PKN2: variants seen among roughly 807,000 people sequenced by gnomAD.
PKN2 encodes serine/threonine-protein kinase N2.
PKN2 carries 38 observed loss-of-function variants against 119.1 expected under a neutral mutation model. The observed-to-expected ratio is 0.32, with a 90% CI of 0.25 to 0.42. The LOEUF is 0.42. PKN2 is among the 10% of genes least tolerant of loss of function. The pLI is 1.00. For synonymous variants in PKN2, 390 were observed against 384.9 expected, an observed-to-expected ratio of 1.01 and a Z score of -0.15; for missense variants, 850 against 1,165.1, an observed-to-expected ratio of 0.73 and a Z score of 3.94.
chr1:88,780,714 C>T (rs1212249932), intron 6 of PKN2, among the ~76,000 whole-genome samples: 1 of 150,274 alleles, frequency 6.7e-6, no homozygotes. Context: ...ATACTGCAGG[C>T]AAGGACTGTA....
chr1:88,739,448 A>T (rs1450759080), intron 1 of PKN2, among the ~76,000 whole-genome samples: 1 of 152,234 alleles, frequency 6.6e-6, no homozygotes, highest in Non-Finnish European at 1.5e-5. Flanking sequence ...ATTTTGCATG[A>T]TACATAATTT....
At chr1:88,749,556 G>A (rs1183592175) in intron 2 of PKN2, among the ~76,000 whole-genome samples, 1 of 152,168 alleles carries the variant, frequency 6.6e-6, no homozygotes, top group Non-Finnish European at 1.5e-5. Flanking sequence ...GCTATCGCAA[G>A]TATATAAAAT....
In PKN2 at chr1:88,793,441, G is replaced by A. The variant is rs572295086; in HGVS notation, c.1281+7228G>A. On this transcript the variant is annotated intron_variant, in intron 8 of 21. Transcript: ENST00000370521. ...AAAAAATCCACGTATAAGTCGACCT[G>A]TACATTTCAAACTTGTATTGTTCAT... 3.9e-5 allele frequency among the ~76,000 whole-genome samples: 6 copies of A among 152,160 alleles called. No individual in the cohort carries two copies. The East Asian group carries it at 9.7e-4, about 24-fold the overall frequency.
In PKN2 at chr1:88,741,030, G is replaced by A. The variant is rs762961632; in HGVS notation, c.91G>A (p.Val31Ile). 9.4e-6 allele frequency: 15 copies of A among 1,592,608 alleles called. No homozygotes were observed. Among genetic ancestry groups the A allele is most frequent in the Non-Finnish European group, 1.3e-5 (15 of 1,173,616 alleles). Reference sequence around the variant, plus strand: ...TCCGTTTTCTGAGAATGTGAGTGCTGTTCAAAAATTAGACTTTTCAGATAC... The same window carrying A: ...TCCGTTTTCTGAGAATGTGAGTGCTATTCAAAAATTAGACTTTTCAGATAC... ...SLPFSENVSA[V>I]QKLDFSDTMV... Residue 31 changes from valine (V) to isoleucine (I), a missense_variant, in exon 2 of 22, where the codon GTT becomes ATT. Val to Ile is a conservative substitution (Grantham distance 29). Around this residue, in one of 9 missense-constraint regions of PKN2, gnomAD observed 73 missense variants for 61.2 expected, o/e 1.19. Transcript: ENST00000370521.
chr1:88,814,491 C>T (rs1422143460), intron 16 of PKN2, among the ~76,000 whole-genome samples: 1 of 152,066 alleles, frequency 6.6e-6, no homozygotes, highest in Non-Finnish European at 1.5e-5. Flanking sequence ...TGTTTCCAGC[C>T]CCGTCCTCTT....
chr1:88,769,400 A>G (rs1025605388), intron 3 of PKN2, among the ~76,000 whole-genome samples: 6 of 152,180 alleles, frequency 3.9e-5, no homozygotes, highest in Non-Finnish European at 7.3e-5. Context: ...AGGTTTAATC[A>G]TGGAGGCATT....
chr1:88,712,153 C>T (rs747516855), intron 1 of PKN2, among the ~76,000 whole-genome samples: 1 of 152,006 alleles, frequency 6.6e-6, no homozygotes, highest in African/African-American at 2.4e-5. Flanking sequence ...CCAATATGAT[C>T]TGAATACATT....
At chr1:88,761,872 CATTT>C (rs1362966975) in intron 3 of PKN2, among the ~76,000 whole-genome samples, 29 of 151,938 alleles carry the variant, frequency 1.9e-4, no homozygotes, top group Non-Finnish European at 1.0e-4. Context: ...TTAGCACTGA[CATTT>C]AGTTTTGGGG....
Position 88,726,778 on chromosome 1 carries a change from A to G in PKN2, c.49-14210A>G, listed in dbSNP as rs6693455. 4.5e-3 allele frequency among the ~76,000 whole-genome samples: 680 copies of G among 152,018 alleles called. 2 individuals are homozygous for G. The highest frequency in any genetic ancestry group is 0.015 in the African/African-American group (638 of 41,464). ...AGTTTTGGTGGTTTTTTTTTGAAGA[A>G]TTGGTTCATTTCATCTAAGTTATTG... On this transcript the variant is annotated intron_variant, in intron 1 of 21. Coordinates refer to ENST00000370521, the MANE Select transcript of PKN2 (RefSeq NM_006256.4).
At chr1:88,692,316 G>A (rs992732398) in intron 1 of PKN2, among the ~76,000 whole-genome samples, 1 of 152,024 alleles carries the variant, frequency 6.6e-6, no homozygotes, top group Non-Finnish European at 1.5e-5. Context: ...GTAATTATAA[G>A]CAAAGATCCT....
At chr1:88,757,012 C>A (rs1669233554) in intron 2 of PKN2, among the ~76,000 whole-genome samples, 1 of 152,040 alleles carries the variant, frequency 6.6e-6, no homozygotes, top group African/African-American at 2.4e-5. Context: ...CAAACCTGGG[C>A]AGCCTCAACC....
At chr1:88,703,606 A>G (rs963780951) in intron 1 of PKN2, among the ~76,000 whole-genome samples, 2 of 152,084 alleles carry the variant, frequency 1.3e-5, no homozygotes. Flanking sequence ...GGGTTTATTG[A>G]TATATTTTGT....
intron 1 of PKN2, among the ~76,000 whole-genome samples, chr1:88,705,520 C>T (rs927406369): frequency 7.7e-5 from 11 of 143,070 alleles, no homozygotes; most frequent in African/African-American, 2.7e-4. Flanking sequence ...AGTGAAACCC[C>T]GTCTCTACTA....
chr1:88,816,244 TTTTG>T (rs890760051), intron 16 of PKN2, among the ~76,000 whole-genome samples: 23 of 152,208 alleles, frequency 1.5e-4, no homozygotes, highest in African/African-American at 5.1e-4. Context: ...TCTTAAGCAA[TTTTG>T]TTTGTTTGTT....
intron 2 of PKN2, among the ~76,000 whole-genome samples, chr1:88,743,024 C>G (rs1668636725): frequency 6.6e-6 from 1 of 152,116 alleles, no homozygotes; most frequent in African/African-American, 2.4e-5. Flanking sequence ...AAACCTGTCT[C>G]TACTAAAAAT....
chr1:88,696,350 A>G (rs1037691622), intron 1 of PKN2, among the ~76,000 whole-genome samples: 7 of 152,182 alleles, frequency 4.6e-5, no homozygotes, highest in African/African-American at 1.4e-4. Flanking sequence ...CTTAAGGGTA[A>G]GATGTATAGC....
At chr1:88,705,827 T>A (rs113978840) in intron 1 of PKN2, among the ~76,000 whole-genome samples, 12 of 152,220 alleles carry the variant, frequency 7.9e-5, no homozygotes, top group Middle Eastern at 6.8e-3. Flanking sequence ...TATTATTATT[T>A]TTTTTTGCCA....
intron 3 of PKN2, 138 bp from the exon 4 acceptor site, chr1:88,770,214 G>T: frequency 1.9e-6 from 1 of 529,264 alleles, no homozygotes; most frequent in Admixed American, 3.1e-5. Context: ...GTATCTATAA[G>T]ATATACTATA....
rs560484040 is a variant in PKN2 at position 88,738,979 on chromosome 1, T to C, written c.49-2009T>C. Among the ~76,000 whole-genome samples the C allele has an allele frequency of 2.0e-5, 3 of 152,324 alleles. No individual in the cohort carries two copies. In the East Asian group the frequency reaches 5.8e-4, roughly 29 times the overall value. Reference sequence around the variant, plus strand: ...AGGACTTATATTCCATTATAAATAGTGAAAAATCTAGACAGCATTTTGGCT... The same window carrying C: ...AGGACTTATATTCCATTATAAATAGCGAAAAATCTAGACAGCATTTTGGCT... On this transcript the variant is annotated intron_variant, in intron 1 of 21. Transcript: ENST00000370521.
Sources: gnomAD v4.1 joint callset for allele counts (sites outside exome capture counted in the v4.1 genomes callset) on GRCh38, gnomAD v4.1.1 for gene constraint, gnomAD v4.1.1 regional missense constraint, MANE v1.5 for transcripts, NCBI Gene and HGNC (gene_info 2026-07-23, HGNC 2026-07-21) for gene names.